Variants in GLIS3 observed in about 807,000 individuals in gnomAD.
The protein encoded by GLIS3 is GLIS family zinc finger 3.
Under a neutral mutation model 78.6 loss-of-function variants are expected in GLIS3, and 53 were observed. That is an observed-to-expected ratio of 0.67 (90% CI 0.54 to 0.85). The LOEUF (loss-of-function observed/expected upper bound fraction) is 0.85, where lower values mean the gene tolerates loss of function less well. GLIS3 is among the 40% of genes least tolerant of loss of function. The pLI is 0.00. For missense variants in GLIS3, 1,703 were observed against 1,231.1 expected (o/e 1.38, Z -5.74); for synonymous variants, 684 against 509.9 (o/e 1.34, Z -4.60).
the GLIS3 span, among the ~76,000 whole-genome samples, chr9:4,471,363 A>T: frequency 1.3e-5 from 2 of 152,346 alleles, no homozygotes; most frequent in Middle Eastern, 3.4e-3. Flanking sequence ...CTATACTGCC[A>T]GGCTACAGTA....
At chr9:4,271,342 G>T (rs954845786) in intron 2 of GLIS3, among the ~76,000 whole-genome samples, 35 of 152,084 alleles carry the variant, frequency 2.3e-4, no homozygotes, top group African/African-American at 8.5e-4. Flanking sequence ...TGTTTTGGGG[G>T]AATCAGAAGT....
chr9:3,866,989 G>A (rs947881622), intron 8 of GLIS3, among the ~76,000 whole-genome samples: 2 of 152,154 alleles, frequency 1.3e-5, no homozygotes, highest in Admixed American at 1.3e-4. Flanking sequence ...GAGTTGATTA[G>A]GCTTGAAATG....
chr9:3,892,076 G>T (rs180981873), intron 7 of GLIS3, among the ~76,000 whole-genome samples: 23 of 152,250 alleles, frequency 1.5e-4, no homozygotes, highest in Admixed American at 6.5e-4. Context: ...CTTAAGGTAG[G>T]ACTAGGTGTT....
In GLIS3 at chr9:3,876,359, C is replaced by A. The variant is rs143704196; in HGVS notation, c.2297+3068G>T. Among the ~76,000 whole-genome samples, 206 of 151,636 alleles carry A rather than the reference C, an allele frequency of 1.4e-3. 1 individual carries two copies. The highest frequency in any genetic ancestry group is 2.1e-3 in the Non-Finnish European group (142 of 67,896). On this transcript the variant is annotated intron_variant, in intron 8 of 10. Coordinates refer to ENST00000381971, the MANE Select transcript of GLIS3 (RefSeq NM_001042413.2). ...TGCACTGTGAGATCCCTATTAGATC[C>A]CTGAATCACAAAAAGGAAAACAAAC...
intron 2 of GLIS3, among the ~76,000 whole-genome samples, chr9:4,335,244 A>G (rs1817741237): frequency 6.6e-6 from 1 of 152,178 alleles, no homozygotes; most frequent in Non-Finnish European, 1.5e-5. Flanking sequence ...TCTTAGTGCC[A>G]TAATTGAAAC....
intron 4 of GLIS3, among the ~76,000 whole-genome samples, chr9:4,080,350 A>G (rs555965152): frequency 7.2e-5 from 11 of 152,320 alleles, no homozygotes; most frequent in Non-Finnish European, 8.8e-5. Context: ...CCATAGGTGA[A>G]TCATTTAAGG....
intron 8 of GLIS3, among the ~76,000 whole-genome samples, chr9:3,871,545 C>A (rs1463132123): frequency 6.6e-6 from 1 of 152,216 alleles, no homozygotes; most frequent in African/African-American, 2.4e-5. Flanking sequence ...TTCTTGACTT[C>A]TGTGTACCCG....
intron 4 of GLIS3, among the ~76,000 whole-genome samples, chr9:4,087,747 T>C (rs1829157249): frequency 6.6e-6 from 1 of 152,226 alleles, no homozygotes; most frequent in African/African-American, 2.4e-5. Flanking sequence ...TTAGTATTCA[T>C]ATTCCTACAT....
chr9:4,043,775 T>C (rs1302551677), intron 4 of GLIS3, among the ~76,000 whole-genome samples: 1 of 152,234 alleles, frequency 6.6e-6, no homozygotes, highest in Non-Finnish European at 1.5e-5. Context: ...TTTAGAATAA[T>C]GTGACTGAGT....
intron 4 of GLIS3, among the ~76,000 whole-genome samples, chr9:4,054,689 T>C (rs952169641): frequency 4.9e-4 from 74 of 152,132 alleles, no homozygotes; most frequent in African/African-American, 1.7e-3. Flanking sequence ...AAAAAAAAAG[T>C]AATAGCACAT....
At chr9:4,199,668 T>TA (rs1480185502) in intron 2 of GLIS3, among the ~76,000 whole-genome samples, 1 of 152,048 alleles carries the variant, frequency 6.6e-6, no homozygotes, top group East Asian at 1.9e-4. Flanking sequence ...CAAGTACTTC[T>TA]AGACCTACAA....
At chr9:4,127,655 A>G (rs1832673604) in intron 2 of GLIS3, among the ~76,000 whole-genome samples, 2 of 152,186 alleles carry the variant, frequency 1.3e-5, no homozygotes, top group Admixed American at 6.5e-5. Context: ...AGGCAATGTG[A>G]TGGTTCATAG....
chr9:4,361,872 G>A, the GLIS3 span, among the ~76,000 whole-genome samples: 1 of 152,180 alleles, frequency 6.6e-6, no homozygotes, highest in Non-Finnish European at 1.5e-5. Flanking sequence ...TAAAGGGAGG[G>A]ACCTTGTAAA....
intron 2 of GLIS3, among the ~76,000 whole-genome samples, chr9:4,166,565 C>T (rs995699808): frequency 1.3e-5 from 2 of 152,244 alleles, no homozygotes; most frequent in Admixed American, 1.3e-4. Context: ...GGCCTGAGTA[C>T]TAACCAACTG....
intron 2 of GLIS3, among the ~76,000 whole-genome samples, chr9:4,271,097 T>C (rs1277897004): frequency 6.6e-6 from 1 of 152,146 alleles, no homozygotes; most frequent in Admixed American, 6.6e-5. Context: ...AAGAATTTTA[T>C]GATGATCCAC....
rs769688859 is a variant in GLIS3 at position 4,117,793 on chromosome 9, G to A, written c.1685C>T (p.Ser562Phe). Reference sequence around the variant, plus strand: ...CGTACACTTGTTGGGCTTCTCCCCAGAGTGGACTCTCATGTGGATCAGCAG... The same window carrying A: ...CGTACACTTGTTGGGCTTCTCCCCAAAGTGGACTCTCATGTGGATCAGCAG... ...YKLLIHMRVH[S>F]GEKPNKCTFE... Residue 562 changes from serine to phenylalanine, a missense_variant, in exon 4 of 11, where the codon TCT (serine) becomes TTT (phenylalanine). Physicochemically the swap from Ser to Phe is radical, Grantham distance 155. Transcript: ENST00000381971. The A allele has an allele frequency of 6.2e-7, 1 of 1,614,202 alleles. No homozygotes were observed.
intron 4 of GLIS3, among the ~76,000 whole-genome samples, chr9:4,026,743 C>T (rs625351): frequency 0.96 from 146,926 of 152,348 alleles, 70,874 homozygotes; most frequent in East Asian, 1. Flanking sequence ...TAAAGCACTT[C>T]TACCAATATC....
the GLIS3 span, among the ~76,000 whole-genome samples, chr9:4,465,842 C>A: frequency 1.3e-5 from 2 of 152,158 alleles, no homozygotes; most frequent in Non-Finnish European, 2.9e-5. Flanking sequence ...CTGCTAAGAA[C>A]AACTTGAAAA....
At chr9:4,120,916 C>G (rs188340461) in intron 3 of GLIS3, among the ~76,000 whole-genome samples, 2 of 152,192 alleles carry the variant, frequency 1.3e-5, no homozygotes, top group African/African-American at 4.8e-5. Flanking sequence ...TTCATTTGCT[C>G]CACTGTTGAG....
Sources: gnomAD v4.1 joint callset for allele counts (sites outside exome capture counted in the v4.1 genomes callset) on GRCh38, gnomAD v4.1.1 for gene constraint, MANE v1.5 for transcripts, NCBI Gene and HGNC (gene_info 2026-07-23, HGNC 2026-07-21) for gene names.